Variants in ZC2HC1A observed in about 807,000 individuals in gnomAD.
ZC2HC1A encodes the protein zinc finger C2HC domain-containing protein 1A.
In ZC2HC1A, 28 loss-of-function variants were observed where a neutral mutation model predicts 40.7. The observed-to-expected ratio is 0.69, with a 90% CI of 0.51 to 0.94. The LOEUF (loss-of-function observed/expected upper bound fraction) is 0.94, where lower values mean the gene tolerates loss of function less well. ZC2HC1A is among the 40% of genes least tolerant of loss of function. The probability of loss-of-function intolerance (pLI) is 0.00; values close to 1 mark genes in which losing one functional copy is unlikely to be tolerated. For synonymous variants in ZC2HC1A, 129 were observed against 129.2 expected, an observed-to-expected ratio of 1.00 and a Z score of 0.01; for missense variants, 389 against 386.3, an observed-to-expected ratio of 1.01 and a Z score of -0.06.
At chr8:78,701,731 C>G (rs148350421) in intron 7 of ZC2HC1A, among the ~76,000 whole-genome samples, 1 of 152,166 alleles carries the variant, frequency 6.6e-6, no homozygotes, top group African/African-American at 2.4e-5. Context: ...AAAACCTTTT[C>G]GTCATCTATT....
At position 78,719,255 on chromosome 8, in the gene ZC2HC1A, T is replaced by C. The variant is rs1811192102; in HGVS notation, c.*1762T>C. The C allele has an allele frequency of 6.6e-6, 1 of 151,736 alleles. No homozygotes were observed. The highest frequency in any genetic ancestry group is 2.4e-5 in the African/African-American group (1 of 41,416). 9.4% of individuals were successfully genotyped at this position (151,736 alleles called of 1,614,324 possible). A position where few individuals can be genotyped will look rare whatever the true frequency, so the allele number is the denominator to read the frequency against. ...AAGTATTTTTTTAAGACCACATAAT[T>C]CTTTTTGTCTGCTCAAGGAAAGGAT... On this transcript the variant is annotated 3_prime_UTR_variant, in exon 9 of 9. Transcript: ENST00000263849.
chr8:78,672,423 T>C (rs1165948288), intron 1 of ZC2HC1A, among the ~76,000 whole-genome samples: 1 of 152,162 alleles, frequency 6.6e-6, no homozygotes, highest in African/African-American at 2.4e-5. Flanking sequence ...TTTGCATAAC[T>C]AGGTGATCTT....
chr8:78,692,373 C>A (rs886492169), intron 5 of ZC2HC1A, among the ~76,000 whole-genome samples: 1 of 152,012 alleles, frequency 6.6e-6, no homozygotes, highest in African/African-American at 2.4e-5. Context: ...TTTTTTAATC[C>A]TTAACTACTA....
intron 5 of ZC2HC1A, among the ~76,000 whole-genome samples, chr8:78,693,252 T>A (rs573092383): frequency 1.3e-4 from 20 of 152,192 alleles, no homozygotes; most frequent in Admixed American, 8.5e-4. Context: ...TACCCAGTAA[T>A]GGGATGGCTG....
chr8:78,680,165 G>A (rs1347438023), intron 3 of ZC2HC1A, among the ~76,000 whole-genome samples: 4 of 151,814 alleles, frequency 2.6e-5, no homozygotes, highest in Non-Finnish European at 5.9e-5. Context: ...TGATTTCAAT[G>A]AATATTAGTC....
chr8:78,714,176 AAC>A (rs1330494397), intron 7 of ZC2HC1A, among the ~76,000 whole-genome samples: 1 of 152,170 alleles, frequency 6.6e-6, no homozygotes, highest in Non-Finnish European at 1.5e-5. Context: ...TGCTTCAATG[AAC>A]ATCTAAATCC....
intron 6 of ZC2HC1A, among the ~76,000 whole-genome samples, chr8:78,697,775 T>C (rs1174321203): frequency 6.6e-6 from 1 of 151,630 alleles, no homozygotes; most frequent in Admixed American, 6.6e-5. Flanking sequence ...GCCTCCCAGG[T>C]TCAAATGATT....
intron 1 of ZC2HC1A, among the ~76,000 whole-genome samples, chr8:78,669,519 C>G (rs1809383757): frequency 7.0e-6 from 1 of 142,788 alleles, no homozygotes; most frequent in Non-Finnish European, 1.5e-5. Context: ...ACATTGAAGC[C>G]AAGAGAGAAA....
chr8:78,694,395 T>C (rs1810329790), intron 5 of ZC2HC1A, among the ~76,000 whole-genome samples: 1 of 152,158 alleles, frequency 6.6e-6, no homozygotes, highest in Non-Finnish European at 1.5e-5. Flanking sequence ...CATTCATGCC[T>C]TCTTCCAGAG....
At chr8:78,679,707 C>T (rs1809703868) in intron 3 of ZC2HC1A, among the ~76,000 whole-genome samples, 1 of 152,044 alleles carries the variant, frequency 6.6e-6, no homozygotes, top group African/African-American at 2.4e-5. Flanking sequence ...AAACAGAATC[C>T]TACTGTTAAT....
intron 3 of ZC2HC1A, among the ~76,000 whole-genome samples, chr8:78,681,752 G>T (rs1167438201): frequency 1.3e-5 from 2 of 151,966 alleles, no homozygotes; most frequent in African/African-American, 4.8e-5. Context: ...TATCTGTTTT[G>T]TTGTGTTTTC....
chr8:78,709,126 A>C (rs1337085997), intron 7 of ZC2HC1A, among the ~76,000 whole-genome samples: 1 of 152,234 alleles, frequency 6.6e-6, no homozygotes, highest in East Asian at 1.9e-4. Context: ...TCAATAGTGA[A>C]ACTATCAAAT....
intron 5 of ZC2HC1A, among the ~76,000 whole-genome samples, chr8:78,692,973 C>T (rs1810261620): frequency 6.6e-6 from 1 of 152,004 alleles, no homozygotes; most frequent in Non-Finnish European, 1.5e-5. Flanking sequence ...TGAGTGAGAA[C>T]ATGCGGTGTT....
intron 1 of ZC2HC1A, among the ~76,000 whole-genome samples, chr8:78,673,147 T>C (rs1809482004): frequency 1.3e-5 from 2 of 152,172 alleles, no homozygotes; most frequent in African/African-American, 4.8e-5. Flanking sequence ...CTCCCACTTA[T>C]GAATAAGAAC....
intron 7 of ZC2HC1A, among the ~76,000 whole-genome samples, chr8:78,713,736 T>C (rs1213769437): frequency 2.0e-5 from 3 of 152,204 alleles, no homozygotes; most frequent in Non-Finnish European, 4.4e-5. Flanking sequence ...AATGACAGCA[T>C]TGTGTATTGA....
rs188430123 is a variant in ZC2HC1A, at chr8:78,671,941, G to A, written c.17-3846G>A. 4.5e-3 allele frequency among the ~76,000 whole-genome samples: 682 copies of A among 152,118 alleles called. 5 individuals are homozygous for A. Among genetic ancestry groups the A allele is most frequent in the Non-Finnish European group, 7.1e-3 (484 of 67,970 alleles). On this transcript the variant is annotated intron_variant, in intron 1 of 8. Transcript: ENST00000263849. ...TTAAGGTAGATTTTGTTAAATTACC[G>A]TACGTTACAGATAAAAAGGGACCGT...
chr8:78,689,719 C>G (rs1231977349), intron 5 of ZC2HC1A, among the ~76,000 whole-genome samples: 1 of 151,936 alleles, frequency 6.6e-6, no homozygotes, highest in Non-Finnish European at 1.5e-5. Flanking sequence ...TTGGTCTTTT[C>G]TCAGATGTAT....
intron 5 of ZC2HC1A, among the ~76,000 whole-genome samples, chr8:78,693,135 T>C (rs971016407): frequency 2.0e-5 from 3 of 152,186 alleles, no homozygotes; most frequent in Non-Finnish European, 2.9e-5. Flanking sequence ...CTATCATTGT[T>C]GGACATTTGG....
At chr8:78,699,401 A>G (rs895248408) in intron 7 of ZC2HC1A, among the ~76,000 whole-genome samples, 4 of 152,208 alleles carry the variant, frequency 2.6e-5, no homozygotes, top group Non-Finnish European at 5.9e-5. Flanking sequence ...ATGAAGGTGT[A>G]TGTCTATATC....
Sources: gnomAD v4.1 joint callset for allele counts (sites outside exome capture counted in the v4.1 genomes callset) on GRCh38, gnomAD v4.1.1 for gene constraint, MANE v1.5 for transcripts, NCBI Gene and HGNC (gene_info 2026-07-23, HGNC 2026-07-21) for gene names.